Variants in CDH26 observed in about 807,000 individuals in gnomAD.
CDH26 encodes the protein cadherin-like protein 26.
In CDH26, 83 loss-of-function variants were observed where a neutral mutation model predicts 90.3. The observed-to-expected ratio is 0.92, with a 90% confidence interval of 0.77 to 1.10. The LOEUF (loss-of-function observed/expected upper bound fraction) is 1.10. Ranked by LOEUF, CDH26 falls within the 50% of genes least tolerant of loss-of-function variation. CDH26 has a pLI of 0.00. For synonymous variants in CDH26, 397 were observed against 396.3 expected, an observed-to-expected ratio of 1.00 and a Z score of -0.02; for missense variants, 1,013 against 1,037.6, an observed-to-expected ratio of 0.98 and a Z score of 0.33.
chr20:59,988,749 T>C (rs902423363), intron 8 of CDH26, among the ~76,000 whole-genome samples, 155 bp from the exon 9 acceptor site: 5 of 152,192 alleles, frequency 3.3e-5, no homozygotes, highest in Non-Finnish European at 7.3e-5. Context: ...GAAAATGAGC[T>C]GTAGACTGTC....
Position 59,989,083 on chromosome 20 carries a change from C to T in CDH26, c.1203C>T (p.Phe401=). ...CACCAGCCTTTCACCCCCAGAGCTT[C>T]ATTGTCAATAAAGAGGAGGGCGCCA... is the stretch of plus-strand genomic sequence containing the variant. The part of the protein sequence containing the change: ...NDPPAFHPQS[F]IVNKEEGARP... Residue 401 remains phenylalanine (F), a synonymous_variant, in exon 9 of 18, where the codon TTC becomes TTT. Transcript: ENST00000348616. 1 of 1,614,182 alleles carries T rather than the reference C, an allele frequency of 6.2e-7. No individual in the cohort carries two copies. The highest frequency in any genetic ancestry group is 8.5e-7 in the Non-Finnish European group (1 of 1,180,032).
chr20:59,989,568 C>T lies in CDH26; in HGVS notation c.1283+405C>T, dbSNP rs549621626. Among the ~76,000 whole-genome samples the T allele has an allele frequency of 7.8e-4, 119 of 151,766 alleles. 1 individual carries two copies. The South Asian group carries it at 0.025, about 31-fold the overall frequency. ...AAAAAAAAAAAGAAAAGAAAACCAG[C>T]TCCTTGGACGTGTTCACGAGGTTGC... On this transcript the variant is annotated intron_variant, in intron 9 of 17. Coordinates refer to ENST00000348616, the MANE Select transcript of CDH26 (RefSeq NM_177980.4).
intron 5 of CDH26, among the ~76,000 whole-genome samples, chr20:59,983,495 A>G (rs185065644): frequency 2.3e-4 from 34 of 148,168 alleles, no homozygotes; most frequent in African/African-American, 8.0e-4. Flanking sequence ...AATAACAAAA[A>G]TCATTTTTTT....
At chr20:59,965,289 G>A (rs1012804166) in intron 1 of CDH26, among the ~76,000 whole-genome samples, 1 of 152,106 alleles carries the variant, frequency 6.6e-6, no homozygotes, top group Non-Finnish European at 1.5e-5. Context: ...ATTCTGACGC[G>A]GACGAGCCAA....
At chr20:60,021,863 C>CACACACACACACACACACACACAT (rs1569068584) in intron 7 of CDH26, among the ~76,000 whole-genome samples, 19 of 63,368 alleles carry the variant, frequency 3.0e-4, no homozygotes, top group African/African-American at 6.7e-4. Flanking sequence ...CACACACACA[C>CACACACACACACACACACACACAT]ACACACACAC....
Position 59,986,736 on chromosome 20 carries a change from G to A in CDH26, c.838-717G>A, listed in dbSNP as rs73623751. Among the ~76,000 whole-genome samples the A allele has an allele frequency of 1.3e-4, 20 of 151,820 alleles. No homozygotes were observed. The East Asian group carries it at 3.7e-3, about 28-fold the overall frequency. On this transcript the variant is annotated intron_variant, in intron 7 of 17. Transcript: ENST00000348616. ...CATCTGAAATGGAATGTGGCACATA[G>A]AAGCTGTTGTTGAATAAATGATGCA...
intron 16 of CDH26, 113 bp downstream of exon 16, chr20:60,002,979 A>T (rs1012759964): frequency 1.5e-6 from 1 of 660,870 alleles, no homozygotes. Context: ...ATAAAAAAAA[A>T]TATGCCCAAC....
intron 11 of CDH26, 115 bp from the exon 12 acceptor site, chr20:59,995,718 C>A: frequency 5.8e-6 from 5 of 863,664 alleles, no homozygotes; most frequent in Non-Finnish European, 1.9e-6. Context: ...TCTAACTCTG[C>A]AGTTGGCTTA....
intron 14 of CDH26, among the ~76,000 whole-genome samples, chr20:60,000,869 G>A (rs1279538800): frequency 6.6e-6 from 1 of 152,226 alleles, no homozygotes; most frequent in Non-Finnish European, 1.5e-5. Flanking sequence ...GCTGGATAGT[G>A]TGAAATAGCG....
chr20:59,998,530 G>T (rs1184231941), intron 13 of CDH26, among the ~76,000 whole-genome samples: 1 of 152,136 alleles, frequency 6.6e-6, no homozygotes, highest in African/African-American at 2.4e-5. Context: ...CTATGCCAGT[G>T]GGACAAGAGA....
In CDH26 at chr20:59,994,465, A is replaced by C; in HGVS notation, c.1642A>C (p.Thr548Pro). 3 of 1,614,168 alleles carry C rather than the reference A, an allele frequency of 1.9e-6. No individual in the cohort carries two copies. In the South Asian group the frequency reaches 3.3e-5, roughly 18 times the overall value. ...LDNTWGNAED[T>P]WKLGRNWGQS... The stretch of plus-strand genomic sequence containing the variant: ...CAATACCTGGGGAAATGCGGAGGAC[A>C]CATGGAAGTTGGGGAGAAATTGGGG... The change falls in exon 11 of 18, where the codon ACA (threonine) becomes CCA (proline). Residue 548 changes from threonine (T) to proline (P), a missense_variant. Physicochemically the swap from Thr to Pro is conservative, Grantham distance 38. Coordinates refer to ENST00000348616, the MANE Select transcript of CDH26 (RefSeq NM_177980.4).
chr20:59,967,927 TCCTTTCC>T (rs2061187731), intron 1 of CDH26, among the ~76,000 whole-genome samples: 2 of 136,566 alleles, frequency 1.5e-5, no homozygotes, highest in African/African-American at 6.1e-5. Context: ...TCCTTTCCTT[TCCTTTCC>T]CTTTCTTTCT....
intron 5 of CDH26, 115 bp downstream of exon 5, chr20:59,983,185 C>A: frequency 3.2e-6 from 4 of 1,235,384 alleles, no homozygotes; most frequent in Non-Finnish European, 4.5e-6. Flanking sequence ...TTACTGTTCA[C>A]ATCTCAAAGA....
chr20:60,005,998 C>T (rs1457208217), intron 16 of CDH26, among the ~76,000 whole-genome samples: 2 of 152,170 alleles, frequency 1.3e-5, no homozygotes, highest in East Asian at 3.9e-4. Flanking sequence ...GTTCCATGGC[C>T]CTACAACTTC....
rs184115694 is a variant in CDH26, at chr20:60,030,041, T to G, written c.948-1190T>G. 6.6e-6 allele frequency among the ~76,000 whole-genome samples: 1 copy of G among 152,202 alleles called. No homozygotes were observed. Among genetic ancestry groups the G allele is most frequent in the Admixed American group, 6.5e-5 (1 of 15,282 alleles). ...AAAAACAAGGAAGGGAGAAAGAAAG[T>G]GAACTGGGGATCCCTTCTGCCACCT... On this transcript the variant is annotated intron_variant, in intron 7 of 8. Coordinates refer to the CDH26 transcript ENST00000370991. The surrounding 1 kb of genome is among the most constrained non-coding windows in gnomAD (Gnocchi z 4.0).
intron 1 of CDH26, among the ~76,000 whole-genome samples, chr20:59,968,651 A>G (rs545080931): frequency 6.6e-6 from 1 of 152,338 alleles, no homozygotes; most frequent in Non-Finnish European, 1.5e-5. Context: ...ACATATAAAT[A>G]CAGCTGTGCT....
Position 60,024,775 on chromosome 20 carries a change from T to G in CDH26, c.948-6456T>G, listed in dbSNP as rs6027248. 8.1e-3 allele frequency among the ~76,000 whole-genome samples: 1,230 copies of G among 152,340 alleles called. 14 individuals are homozygous for G. Among genetic ancestry groups the G allele is most frequent in the African/African-American group, 0.028 (1,179 of 41,580 alleles). Reference sequence around the variant, plus strand: ...CTCCCATGATCTCTTCTTTCCTTATTCTTAAGAAATAAAACCCTGAATTTA... The same window carrying G: ...CTCCCATGATCTCTTCTTTCCTTATGCTTAAGAAATAAAACCCTGAATTTA... On this transcript the variant is annotated intron_variant, in intron 7 of 8. Transcript: ENST00000370991.
intron 14 of CDH26, 80 bp from the exon 15 acceptor site, chr20:60,001,263 G>C: frequency 6.5e-7 from 1 of 1,547,696 alleles, no homozygotes; most frequent in Admixed American, 1.7e-5. Flanking sequence ...GGGAAGTGGT[G>C]AGAGGTCACG....
Position 60,002,283 on chromosome 20 carries a change from G to A in CDH26, c.2167-530G>A, listed in dbSNP as rs184077117. ...ACAAATCCATCACTGAAGGGCTCCC[G>A]CATTGATGAATGTTGGGTTCCATGT... On this transcript the variant is annotated intron_variant, in intron 15 of 17. Transcript: ENST00000348616. 1.7e-3 allele frequency among the ~76,000 whole-genome samples: 259 copies of A among 152,004 alleles called. 2 individuals carry two copies. The highest frequency in any genetic ancestry group is 5.8e-3 in the African/African-American group (240 of 41,520).
Sources: gnomAD v4.1 joint callset for allele counts (sites outside exome capture counted in the v4.1 genomes callset) on GRCh38, gnomAD v4.1.1 for gene constraint, Gnocchi (gnomAD v3.1) non-coding constraint, MANE v1.5 for transcripts, NCBI Gene and HGNC (gene_info 2026-07-23, HGNC 2026-07-21) for gene names.